The following MTMR3 variants were observed in gnomAD, a reference collection of about 807,000 sequenced individuals.
MTMR3 encodes myotubularin related protein 3.
Under a neutral mutation model 132.4 loss-of-function variants are expected in MTMR3, and 32 were observed. The ratio of observed to expected loss-of-function variants is 0.24; its 90% CI spans 0.18 to 0.32. MTMR3 has a LOEUF of 0.32. Ranked by LOEUF, MTMR3 falls within the 10% of genes least tolerant of loss-of-function variation. MTMR3 has a pLI of 1.00. For missense variants in MTMR3, 1,216 were observed against 1,489.6 expected (o/e 0.82, Z 3.02); for synonymous variants, 556 against 550.3 (o/e 1.01, Z -0.14).
At chr22:30,021,075 C>T (rs1009235455) in intron 17 of MTMR3, 191 bp downstream of exon 17, 51 of 627,606 alleles carry the variant, frequency 8.1e-5, no homozygotes, top group Non-Finnish European at 1.1e-4. Context: ...TTTTCTGCTT[C>T]GCTTACTTTC....
intron 1 of MTMR3, among the ~76,000 whole-genome samples, chr22:29,915,641 C>T (rs975189085): frequency 6.6e-6 from 1 of 152,148 alleles, no homozygotes; most frequent in Non-Finnish European, 1.5e-5. Flanking sequence ...CAAAGCTGGT[C>T]TCAAACTCCT....
rs749394169 is a variant in MTMR3 at position 30,022,733 on chromosome 22, G to T, written c.3425+36G>T. 1.2e-5 allele frequency: 19 copies of T among 1,575,328 alleles called. No homozygotes were observed. The South Asian group carries it at 2.1e-4, about 18-fold the overall frequency. ...GGGGCTGTGGTAGGGTGGGCTGTGT[G>T]TGGAGGTTGAGGGTCGGCCCACAGA... On this transcript the variant is annotated intron_variant, in intron 19 of 19. Coordinates refer to ENST00000401950, the MANE Select transcript of MTMR3 (RefSeq NM_021090.4).
intron 1 of MTMR3, among the ~76,000 whole-genome samples, chr22:29,921,295 C>T (rs1602477209): frequency 1.3e-5 from 2 of 152,224 alleles, no homozygotes; most frequent in Non-Finnish European, 2.9e-5. Context: ...ACAACCAGTT[C>T]TCACGTGAAC....
intron 1 of MTMR3, among the ~76,000 whole-genome samples, chr22:29,942,084 A>G (rs1223090334): frequency 8.5e-5 from 13 of 152,282 alleles, no homozygotes; most frequent in Admixed American, 8.5e-4. Context: ...CACATGATGT[A>G]TCAGGCAAAA....
chr22:30,010,548 G>C (rs1284564273), intron 12 of MTMR3: 4 of 152,212 alleles, frequency 2.6e-5, no homozygotes, highest in Non-Finnish European at 5.9e-5. Flanking sequence ...GGAATGGTAG[G>C]CTTCTAGTGC....
chr22:29,952,661 C>T (rs754134938), intron 1 of MTMR3, among the ~76,000 whole-genome samples: 3 of 150,068 alleles, frequency 2.0e-5, no homozygotes, highest in African/African-American at 2.4e-5. Context: ...CAGAAAAACA[C>T]GATGAATGAA....
At chr22:29,957,460 G>A (rs994221823) in intron 2 of MTMR3, among the ~76,000 whole-genome samples, 1 of 137,268 alleles carries the variant, frequency 7.3e-6, no homozygotes, top group Non-Finnish European at 1.6e-5. Flanking sequence ...TTTATTTATT[G>A]ATATATTTTT....
At chr22:30,004,834 C>T (rs2067244072) in intron 9 of MTMR3, 1 of 152,274 alleles carries the variant, frequency 6.6e-6, no homozygotes, top group African/African-American at 2.4e-5. Flanking sequence ...GAACTCTTGA[C>T]ATCCATTTCC....
intron 1 of MTMR3, among the ~76,000 whole-genome samples, chr22:29,892,019 G>GGCAC (rs1318183830): frequency 4.6e-5 from 7 of 151,986 alleles, no homozygotes; most frequent in African/African-American, 1.7e-4. Context: ...CCAGCGTGGT[G>GGCAC]GCACGCGCCT....
chr22:30,008,097 G>C, intron 11 of MTMR3, 65 bp downstream of exon 11: 1 of 1,575,768 alleles, frequency 6.3e-7, no homozygotes, highest in Middle Eastern at 2.3e-4. Context: ...GCCCAACTGA[G>C]ACTTAGTTCC....
At chr22:29,934,346 T>A (rs937121872) in intron 1 of MTMR3, among the ~76,000 whole-genome samples, 6 of 151,872 alleles carry the variant, frequency 4.0e-5, no homozygotes, top group Admixed American at 3.3e-4. Context: ...AGAGAGAGAC[T>A]CTGTCTCAAA....
At chr22:29,921,788 T>TTCTATCAAATGACTTCTA (rs1480524420) in intron 1 of MTMR3, among the ~76,000 whole-genome samples, 1 of 152,152 alleles carries the variant, frequency 6.6e-6, no homozygotes, top group Non-Finnish European at 1.5e-5. Context: ...ATATTTGACC[T>TTCTATCAAATGACTTCTA]TCTATGACTG....
chr22:29,978,351 T>C (rs2066672047), intron 3 of MTMR3, 91 bp from the exon 4 acceptor site: 2 of 942,062 alleles, frequency 2.1e-6, no homozygotes, highest in East Asian at 2.5e-5. Context: ...CTTTGTACTT[T>C]CATTGTGATT....
chr22:29,939,767 A>G (rs1183054943), intron 1 of MTMR3, among the ~76,000 whole-genome samples: 1 of 152,138 alleles, frequency 6.6e-6, no homozygotes, highest in African/African-American at 2.4e-5. Flanking sequence ...AACTGTTAGT[A>G]ATAAGAGTAG....
chr22:29,988,574 G>T lies in MTMR3; in HGVS notation c.293+12G>T. 1 of 1,583,124 alleles carries T rather than the reference G, an allele frequency of 6.3e-7. No homozygotes were observed. Among genetic ancestry groups the T allele is most frequent in the South Asian group, 1.1e-5 (1 of 87,526 alleles). On this transcript the variant is annotated intron_variant, in intron 6 of 19. Transcript: ENST00000401950. The stretch of plus-strand genomic sequence containing the variant: ...TGCAAAGTTATCAGGTATGTGGTAT[G>T]GTATGTTTGTGTTGCTGTTTAGTGT...
chr22:29,944,158 A>G (rs1256834687), intron 1 of MTMR3, among the ~76,000 whole-genome samples: 2 of 151,978 alleles, frequency 1.3e-5, no homozygotes, highest in African/African-American at 4.8e-5. Context: ...GCGGGGTCTT[A>G]AAGCCCAGAA....
intron 1 of MTMR3, among the ~76,000 whole-genome samples, chr22:29,910,940 A>G (rs1330464656): frequency 1.3e-5 from 2 of 152,228 alleles, no homozygotes; most frequent in African/African-American, 4.8e-5. Context: ...AGGATTATTG[A>G]TAATTCCTAA....
In MTMR3 at chr22:30,025,917, C is replaced by T; in HGVS notation, c.*116C>T. 2 of 1,049,460 alleles carry T rather than the reference C, an allele frequency of 1.9e-6. No individual in the cohort carries two copies. The highest frequency in any genetic ancestry group is 2.0e-5 in the Admixed American group (1 of 49,284). 65.0% of individuals were successfully genotyped at this position (1,049,460 alleles called of 1,614,324 possible). On this transcript the variant is annotated 3_prime_UTR_variant, in exon 20 of 20. Coordinates refer to ENST00000401950, the MANE Select transcript of MTMR3 (RefSeq NM_021090.4). ...GAATGGGAGCGTGGAACCACCTGTA[C>T]AGAGTGACAGATTTGGGATGCACCA... is the stretch of plus-strand genomic sequence containing the variant.
At chr22:30,003,548 C>T (rs1311767986) in intron 9 of MTMR3, 2 of 152,136 alleles carry the variant, frequency 1.3e-5, no homozygotes, top group Non-Finnish European at 2.9e-5. Context: ...TGATGGAGCA[C>T]AGATTTTGGA....
Sources: allele counts gnomAD v4.1 joint callset (sites outside exome capture counted in the v4.1 genomes callset), GRCh38; gene constraint gnomAD v4.1.1; transcripts MANE v1.5; gene names NCBI Gene and HGNC (gene_info 2026-07-23, HGNC 2026-07-21).